Variants in PATJ observed in about 807,000 individuals in gnomAD.
PATJ encodes the protein inaD-like protein.
A neutral mutation model predicts 224.9 loss-of-function variants in PATJ; 190 were observed. That is an observed-to-expected ratio of 0.84 (90% CI 0.75 to 0.95). The LOEUF (loss-of-function observed/expected upper bound fraction) is 0.95, where lower values mean the gene tolerates loss of function less well. PATJ is among the 40% of genes least tolerant of loss of function. PATJ has a pLI of 0.00. For missense variants in PATJ, 2,121 were observed against 2,270.3 expected (o/e 0.93, Z 1.34); for synonymous variants, 769 against 820.3 (o/e 0.94, Z 1.07).
intron 14 of PATJ, among the ~76,000 whole-genome samples, chr1:61,810,056 G>T (rs935737176): frequency 6.6e-6 from 1 of 151,528 alleles, no homozygotes; most frequent in Non-Finnish European, 1.5e-5. Context: ...CACCATGTTG[G>T]TCAGGCTGGT....
chr1:61,769,840 T>C (rs1169599114), intron 5 of PATJ, among the ~76,000 whole-genome samples: 1 of 152,212 alleles, frequency 6.6e-6, no homozygotes, highest in Non-Finnish European at 1.5e-5. Flanking sequence ...TATTATATTG[T>C]TTATTATTCT....
At chr1:62,008,899 G>A (rs1442016258) in intron 28 of PATJ, among the ~76,000 whole-genome samples, 2 of 152,156 alleles carry the variant, frequency 1.3e-5, no homozygotes, top group African/African-American at 4.8e-5. Flanking sequence ...AAATTGGGAA[G>A]CATCAAATCA....
rs112683439 is a variant in PATJ, at chr1:62,137,116, T to C, written c.5271+8171T>C. Reference sequence around the variant, plus strand: ...GCAGTAAAGACCTCTACTTTATTACTCATTTCGAAAGCTTAATAAATACAC... The same window carrying C: ...GCAGTAAAGACCTCTACTTTATTACCCATTTCGAAAGCTTAATAAATACAC... On this transcript the variant is annotated intron_variant, in intron 41 of 43. Coordinates refer to ENST00000642238, the MANE Select transcript of PATJ (RefSeq NM_001350145.3). 7.5e-3 allele frequency among the ~76,000 whole-genome samples: 1,143 copies of C among 152,234 alleles called. 15 individuals are homozygous for C. Among genetic ancestry groups the C allele is most frequent in the African/African-American group, 0.026 (1,069 of 41,540 alleles).
At chr1:61,914,726 A>T (rs1244552775) in intron 26 of PATJ, 62 bp downstream of exon 26, 2 of 1,027,810 alleles carry the variant, frequency 1.9e-6, no homozygotes, top group African/African-American at 1.6e-5. Context: ...TTTGTTTTCC[A>T]TATCTGGGCT....
intron 39 of PATJ, among the ~76,000 whole-genome samples, chr1:62,127,417 A>AT (rs35360255): frequency 0.56 from 82,525 of 146,300 alleles, 23,628 homozygotes; most frequent in East Asian, 0.83. Context: ...TTGGTAAGGA[A>AT]TTTTTTTTTT....
chr1:61,781,296 A>G (rs2148443850), intron 7 of PATJ, among the ~76,000 whole-genome samples: 1 of 152,348 alleles, frequency 6.6e-6, no homozygotes, highest in African/African-American at 2.4e-5. Flanking sequence ...TCTAGGGCAT[A>G]TGGTAAGGCC....
intron 30 of PATJ, among the ~76,000 whole-genome samples, chr1:62,045,951 A>C (rs974354690): frequency 4.6e-5 from 7 of 152,100 alleles, no homozygotes; most frequent in Non-Finnish European, 1.0e-4. Context: ...CTGTAATCCC[A>C]GCACTTTGGG....
chr1:62,150,476 T>C (rs1668506705), intron 42 of PATJ, among the ~76,000 whole-genome samples: 1 of 151,942 alleles, frequency 6.6e-6, no homozygotes, highest in Non-Finnish European at 1.5e-5. Context: ...GGAGTGTAGT[T>C]GGAGAAGCTG....
chr1:62,021,046 C>T (rs1352493577), intron 29 of PATJ, among the ~76,000 whole-genome samples: 1 of 151,976 alleles, frequency 6.6e-6, no homozygotes, highest in African/African-American at 2.4e-5. Context: ...CCAGGCTGGT[C>T]TCAAACTCCT....
chr1:62,042,101 C>T (rs60496532), intron 30 of PATJ, among the ~76,000 whole-genome samples: 1,823 of 152,212 alleles, frequency 0.012, 17 homozygotes, highest in Middle Eastern at 0.048. Context: ...AACATTATCA[C>T]GTATCTTAAT....
intron 1 of PATJ, among the ~76,000 whole-genome samples, chr1:61,751,761 G>A (rs551605633): frequency 9.2e-5 from 14 of 152,178 alleles, no homozygotes; most frequent in African/African-American, 3.1e-4. Context: ...TGGAGGTGGA[G>A]GTTGCAGTGA....
chr1:61,884,474 G>A, intron 22 of PATJ, 66 bp downstream of exon 22: 1 of 695,140 alleles, frequency 1.4e-6, no homozygotes, highest in Non-Finnish European at 1.9e-6. Context: ...TTTTTTTTTT[G>A]CTTAAAAAAT....
At chr1:61,748,729 TG>T (rs1448884180) in intron 1 of PATJ, among the ~76,000 whole-genome samples, 2 of 152,134 alleles carry the variant, frequency 1.3e-5, no homozygotes, top group African/African-American at 2.4e-5. Flanking sequence ...GCCATGATCA[TG>T]GTTCACTAGC....
chr1:62,083,285 C>A (rs912366814), intron 32 of PATJ, among the ~76,000 whole-genome samples: 2 of 152,146 alleles, frequency 1.3e-5, no homozygotes, highest in South Asian at 2.1e-4. Flanking sequence ...CCACGCCCAG[C>A]TATTTTTTAT....
At chr1:61,790,656 G>C (rs1649652386) in intron 8 of PATJ, among the ~76,000 whole-genome samples, 1 of 151,890 alleles carries the variant, frequency 6.6e-6, no homozygotes, top group South Asian at 2.1e-4. Context: ...TGGGGTTACA[G>C]GCATGTGCCA....
At chr1:61,768,292 AC>A (rs1191795503) in intron 4 of PATJ, among the ~76,000 whole-genome samples, 2 of 151,352 alleles carry the variant, frequency 1.3e-5, no homozygotes, top group African/African-American at 4.9e-5. Context: ...ACACGGTGAA[AC>A]CCCGTCTCTA....
intron 38 of PATJ, 64 bp downstream of exon 38, chr1:62,121,359 T>A: frequency 2.1e-6 from 2 of 974,496 alleles, no homozygotes; most frequent in Non-Finnish European, 3.1e-6. Context: ...AAAAAATGTG[T>A]TTTTTAAAAA....
intron 17 of PATJ, among the ~76,000 whole-genome samples, chr1:61,836,242 T>G (rs1470165618): frequency 1.3e-5 from 2 of 152,210 alleles, no homozygotes; most frequent in Non-Finnish European, 2.9e-5. Flanking sequence ...CTTCTATTGT[T>G]TCTTGAAATT....
rs1655035888 is a variant in PATJ at position 61,812,431 on chromosome 1, AGAGTGTGTGTGT to A, written c.1683+3903_1683+3914del. Among the ~76,000 whole-genome samples the A allele has an allele frequency of 1.4e-4, 15 of 109,114 alleles. No individual in the cohort carries two copies. The South Asian group carries it at 4.0e-3, about 29-fold the overall frequency. The allele number at this position is 109,114 out of a possible 152,430, so 71.6% of individuals were successfully genotyped here. On this transcript the variant is annotated intron_variant, in intron 14 of 43. Transcript: ENST00000642238. ...CTGAGAGAGAGAGAGAGAGAGAGAG[AGAGTGTGTGTGT>A]GTGTGTGTGTGTGTGTGTGTGTGTG... is the stretch of plus-strand genomic sequence containing the variant.
Sources: gnomAD v4.1 joint callset for allele counts (sites outside exome capture counted in the v4.1 genomes callset) on GRCh38, gnomAD v4.1.1 for gene constraint, MANE v1.5 for transcripts, NCBI Gene and HGNC (gene_info 2026-07-23, HGNC 2026-07-21) for gene names.